The following EGLN1 variants were observed in gnomAD, a reference collection of about 807,000 sequenced individuals.
EGLN1 encodes the protein egl-9 family hypoxia inducible factor 1.
Under a neutral mutation model 38.3 loss-of-function variants are expected in EGLN1, and 17 were observed. That is an observed-to-expected ratio of 0.44 (90% CI 0.30 to 0.67). The LOEUF (loss-of-function observed/expected upper bound fraction) is 0.67. Ranked by LOEUF, EGLN1 falls within the 30% of genes least tolerant of loss-of-function variation. The pLI is 0.08. For synonymous variants in EGLN1, 283 were observed against 257.5 expected (o/e 1.10, Z -0.95); for missense variants, 477 against 603.3 (o/e 0.79, Z 2.19).
chr1:231,382,498 T>C (rs1688099730), intron 1 of EGLN1, among the ~76,000 whole-genome samples: 1 of 152,206 alleles, frequency 6.6e-6, no homozygotes, highest in South Asian at 2.1e-4. Flanking sequence ...TAGTGGATAT[T>C]AGAAATTATG....
rs549059080 is a variant in EGLN1, at chr1:231,391,653, G to A, written c.892-17554C>T. On this transcript the variant is annotated intron_variant, in intron 1 of 4. Coordinates refer to ENST00000366641, the MANE Select transcript of EGLN1 (RefSeq NM_022051.3). Reference sequence around the variant, plus strand: ...CTTAAAATACGCATCTTAAAAATAAGAGCACATGAGACTATCTTTTTATTT... The same window carrying A: ...CTTAAAATACGCATCTTAAAAATAAAAGCACATGAGACTATCTTTTTATTT... Among the ~76,000 whole-genome samples, 7 of 152,116 alleles carry A rather than the reference G, an allele frequency of 4.6e-5. No individual in the cohort carries two copies. In the South Asian group the frequency reaches 1.5e-3, roughly 32 times the overall value.
intron 1 of EGLN1, among the ~76,000 whole-genome samples, chr1:231,409,250 A>C (rs577610624): frequency 1.0e-4 from 15 of 144,288 alleles, no homozygotes; most frequent in African/African-American, 2.1e-4. Context: ...TTAAAAAAAA[A>C]AAAAAACAAA....
At chr1:231,386,111 C>T (rs1025046023) in intron 1 of EGLN1, among the ~76,000 whole-genome samples, 10 of 112,956 alleles carry the variant, frequency 8.9e-5, no homozygotes, top group Non-Finnish European at 1.7e-4. Flanking sequence ...CCACCATGCC[C>T]GGCTGGTTTT....
At chr1:231,417,716 C>T (rs190562556) in intron 1 of EGLN1, among the ~76,000 whole-genome samples, 17 of 152,254 alleles carry the variant, frequency 1.1e-4, no homozygotes, top group Non-Finnish European at 2.2e-4. Flanking sequence ...TCCTGTATGA[C>T]TTCATTTTTC....
intron 1 of EGLN1, among the ~76,000 whole-genome samples, chr1:231,391,637 C>T (rs190721667): frequency 9.4e-4 from 143 of 152,220 alleles, no homozygotes; most frequent in Non-Finnish European, 1.5e-3. Flanking sequence ...GCTTAAAATA[C>T]GCATCTTAAA....
chr1:231,408,331 A>G (rs1688845723), intron 1 of EGLN1, among the ~76,000 whole-genome samples: 1 of 152,122 alleles, frequency 6.6e-6, no homozygotes, highest in Admixed American at 6.5e-5. Context: ...AAGCAGGAAA[A>G]CAGTCTGGCT....
chr1:231,414,984 C>G (rs1689039902), intron 1 of EGLN1, among the ~76,000 whole-genome samples: 1 of 152,046 alleles, frequency 6.6e-6, no homozygotes, highest in Non-Finnish European at 1.5e-5. Flanking sequence ...TCCGCCCACC[C>G]TGGCCTCCCA....
At chr1:231,416,279 G>A (rs1278615979) in intron 1 of EGLN1, among the ~76,000 whole-genome samples, 1 of 151,964 alleles carries the variant, frequency 6.6e-6, no homozygotes, top group Non-Finnish European at 1.5e-5. Flanking sequence ...AATTACAGGG[G>A]TGAGTTACCA....
intron 1 of EGLN1, among the ~76,000 whole-genome samples, chr1:231,389,901 T>C (rs771975984): frequency 3.9e-5 from 6 of 152,118 alleles, no homozygotes; most frequent in Non-Finnish European, 8.8e-5. Flanking sequence ...TGAACTGAGA[T>C]AGCGCCACTG....
intron 1 of EGLN1, among the ~76,000 whole-genome samples, chr1:231,406,411 G>C (rs512143): frequency 0.15 from 22,388 of 151,920 alleles, 1,996 homozygotes; most frequent in African/African-American, 0.24. Flanking sequence ...GTCTGGAGAG[G>C]TATGCCCTCC....
At chr1:231,381,127 G>C (rs1688070539) in intron 1 of EGLN1, among the ~76,000 whole-genome samples, 1 of 152,006 alleles carries the variant, frequency 6.6e-6, no homozygotes, top group African/African-American at 2.4e-5. Context: ...GGCTGGTCTT[G>C]AACTTCTGGT....
At chr1:231,380,965 G>A (rs1383648701) in intron 1 of EGLN1, among the ~76,000 whole-genome samples, 5 of 152,100 alleles carry the variant, frequency 3.3e-5, no homozygotes. Context: ...TGTCACCCAG[G>A]CTGGAGTGCA....
At chr1:231,384,935 GC>G (rs1488580226) in intron 1 of EGLN1, among the ~76,000 whole-genome samples, 20 of 152,166 alleles carry the variant, frequency 1.3e-4, no homozygotes, top group Non-Finnish European at 2.6e-4. Flanking sequence ...TAAAAAGTCT[GC>G]CAAGTCCTGA....
At chr1:231,392,439 G>C (rs184206580) in intron 1 of EGLN1, among the ~76,000 whole-genome samples, 21 of 152,250 alleles carry the variant, frequency 1.4e-4, no homozygotes, top group African/African-American at 4.8e-4. Flanking sequence ...ATACTATGTA[G>C]AAAAATTGGT....
At chr1:231,418,096 T>C (rs951679664) in intron 1 of EGLN1, among the ~76,000 whole-genome samples, 1 of 151,920 alleles carries the variant, frequency 6.6e-6, no homozygotes, top group African/African-American at 2.4e-5. Context: ...TTAAAATCAC[T>C]ATAATGTTAT....
intron 1 of EGLN1, among the ~76,000 whole-genome samples, chr1:231,374,671 C>T (rs984154367): frequency 1.3e-5 from 2 of 152,036 alleles, no homozygotes; most frequent in Admixed American, 1.3e-4. Context: ...GCACGTGTCA[C>T]CAGGCTGGTT....
At chr1:231,396,246 CTTCT>C (rs759830807) in intron 1 of EGLN1, among the ~76,000 whole-genome samples, 74 of 120,896 alleles carry the variant, frequency 6.1e-4, no homozygotes, top group Admixed American at 1.8e-4. Flanking sequence ...TCCTCACTGG[CTTCT>C]TTTTTTTTTT....
intron 1 of EGLN1, among the ~76,000 whole-genome samples, chr1:231,386,854 A>G (rs1688222282): frequency 6.6e-6 from 1 of 152,158 alleles, no homozygotes; most frequent in South Asian, 2.1e-4. Context: ...GCTAGCTTGT[A>G]AAAATATATA....
chr1:231,409,395 A>G (rs889659454), intron 1 of EGLN1, among the ~76,000 whole-genome samples: 1 of 152,044 alleles, frequency 6.6e-6, no homozygotes, highest in Non-Finnish European at 1.5e-5. Context: ...CACAGTTAAG[A>G]CTCCAGAAAG....
Sources: allele counts gnomAD v4.1 joint callset (sites outside exome capture counted in the v4.1 genomes callset), GRCh38; gene constraint gnomAD v4.1.1; transcripts MANE v1.5; gene names NCBI Gene and HGNC (gene_info 2026-07-23, HGNC 2026-07-21).